RADIL: variants seen among roughly 807,000 people sequenced by gnomAD.
RADIL encodes Rap associating with DIL domain.
In RADIL, 99 loss-of-function variants were observed where a neutral mutation model predicts 97.6. That is an observed-to-expected ratio of 1.01 (90% CI 0.86 to 1.20). RADIL has a LOEUF of 1.20. Among genes scored for constraint, RADIL ranks in the 50% most tolerant of loss-of-function variants. RADIL has a pLI of 0.00. For synonymous variants in RADIL, 803 were observed against 691.8 expected (o/e 1.16, Z -2.52); for missense variants, 1,765 against 1,498.9 (o/e 1.18, Z -2.93).
intron 9 of RADIL, chr7:4,808,868 C>T (rs1430977346): frequency 8.6e-5 from 81 of 937,994 alleles, no homozygotes; most frequent in Middle Eastern, 5.7e-4. Flanking sequence ...TGCCCCTCCG[C>T]GTCTCCTTCC....
intron 2 of RADIL, among the ~76,000 whole-genome samples, chr7:4,851,236 C>T (rs916197719): frequency 2.0e-5 from 3 of 151,630 alleles, no homozygotes; most frequent in South Asian, 4.2e-4. Flanking sequence ...AAGAAAAGTT[C>T]GGATTTTAGG....
intron 2 of RADIL, among the ~76,000 whole-genome samples, chr7:4,871,653 G>A (rs1276032505): frequency 2.0e-5 from 3 of 152,100 alleles, no homozygotes; most frequent in South Asian, 2.1e-4. Flanking sequence ...ACTCCTGGAC[G>A]GCCACACCAT....
At position 4,835,921 on chromosome 7, in the gene RADIL, TGGCATG is replaced by T. The variant is rs533010140; in HGVS notation, c.783+431_783+436del. ...AGAAACGGCTCTGGGCAGATAGGGG[TGGCATG>T]GGCCTTTGCTCGGTGCCCCTTCAGA... On this transcript the variant is annotated intron_variant, in intron 3 of 14. Coordinates refer to ENST00000399583, the MANE Select transcript of RADIL (RefSeq NM_018059.5). This position sits in a 1 kb window ranked among gnomAD's most constrained non-coding sequence, Gnocchi z 5.8. Among the ~76,000 whole-genome samples, 875 of 152,294 alleles carry T rather than the reference TGGCATG, an allele frequency of 5.7e-3. 3 individuals carry two copies. Among genetic ancestry groups the T allele is most frequent in the Middle Eastern group, 0.014 (4 of 294 alleles).
chr7:4,861,837 C>CGTCCCCCACCACCGCGACCTTCAA, intron 2 of RADIL: 1 of 1,400,584 alleles, frequency 7.1e-7, no homozygotes, highest in Non-Finnish European at 9.3e-7. Context: ...CGCCAGGGCA[C>CGTCCCCCACCACCGCGACCTTCAA]GTCCCCCACC....
Position 4,849,125 on chromosome 7 carries a change from G to A in RADIL, c.536-12520C>T, listed in dbSNP as rs1783646955. The stretch of plus-strand genomic sequence containing the variant: ...TGCACTCCAGCCTGGGCAACAAGAG[G>A]GAAATTCTGTCTCAAAAAAAAAAAA... On this transcript the variant is annotated intron_variant, in intron 2 of 14. Transcript: ENST00000399583. The surrounding 1 kb of genome is among the most constrained non-coding windows in gnomAD (Gnocchi z 5.4). 7.2e-6 allele frequency among the ~76,000 whole-genome samples: 1 copy of A among 139,186 alleles called. No individual in the cohort carries two copies. Among genetic ancestry groups the A allele is most frequent in the African/African-American group, 2.8e-5 (1 of 35,422 alleles). 91.3% of individuals were successfully genotyped at this position (139,186 alleles called of 152,430 possible).
intron 2 of RADIL, among the ~76,000 whole-genome samples, chr7:4,874,401 C>T (rs1198070179): frequency 6.6e-6 from 1 of 152,240 alleles, no homozygotes; most frequent in African/African-American, 2.4e-5. Context: ...CCCCCGGCTC[C>T]AGGCAGAGGC....
rs567048908 is a variant in RADIL, at chr7:4,879,981, G to A, written c.-64-1778C>T. Among the ~76,000 whole-genome samples, 23 of 152,272 alleles carry A rather than the reference G, an allele frequency of 1.5e-4. No individual in the cohort carries two copies. In the South Asian group the frequency reaches 2.9e-3, roughly 19 times the overall value. Reference sequence around the variant, plus strand: ...CCTTGAACTCTTCAGAAATACTTCCGACAGCTTCGCACACCAGAGACTGGG... The same window carrying A: ...CCTTGAACTCTTCAGAAATACTTCCAACAGCTTCGCACACCAGAGACTGGG... On this transcript the variant is annotated intron_variant, in intron 1 of 14. Transcript: ENST00000399583. The surrounding 1 kb of genome is among the most constrained non-coding windows in gnomAD (Gnocchi z 4.1).
chr7:4,820,813 G>C (rs775843443), intron 6 of RADIL, among the ~76,000 whole-genome samples: 1 of 152,150 alleles, frequency 6.6e-6, no homozygotes, highest in African/African-American at 2.4e-5. Flanking sequence ...CTGAGGACTG[G>C]GCCCCGACGC....
rs778474046 is a variant in RADIL at position 4,834,795 on chromosome 7, C to T, written c.1228G>A (p.Glu410Lys). ...AGCAGCGTGTCCTCCAGGTGGGGCT[C>T]AAACTCCAGGAGCAGCTGCTGGCGC... ...PRRQQLLLEF[E>K]PHLEDTLLQR... The change falls in exon 4 of 15, where the codon GAG (glutamate) becomes AAG (lysine). Residue 410 changes from glutamate (E) to lysine (K), a missense_variant. By Grantham distance (56) the Glu-to-Lys change is moderately conservative. Transcript: ENST00000399583. This position sits in a 1 kb window ranked among gnomAD's most constrained non-coding sequence, Gnocchi z 6.0. The T allele has an allele frequency of 7.4e-7, 1 of 1,347,682 alleles. No individual in the cohort carries two copies. The highest frequency in any genetic ancestry group is 3.4e-5 in the Admixed American group (1 of 29,340). The allele number at this position is 1,347,682 out of a possible 1,614,324, so 83.5% of individuals were successfully genotyped here. A position where few individuals can be genotyped will look rare whatever the true frequency, so the allele number is the denominator to read the frequency against.
At position 4,803,634 on chromosome 7, in the gene RADIL, CGG is replaced by C; in HGVS notation, c.2409_2410del (p.Arg804ProfsTer37). ...GCTCCGCAGACCCCACAGAAAGTGG[CGG>C]ACGTAGAGCAGGTGCTGGTAGATGC... On this transcript the variant is annotated frameshift_variant, in exon 11 of 15. Transcript: ENST00000399583. LOFTEE classifies it high-confidence loss of function. The C allele has an allele frequency of 6.5e-7, 1 of 1,550,034 alleles. No homozygotes were observed. Among genetic ancestry groups the C allele is most frequent in the Non-Finnish European group, 8.7e-7 (1 of 1,147,062 alleles).
intron 2 of RADIL, among the ~76,000 whole-genome samples, chr7:4,856,726 T>C (rs753211413): frequency 1.5e-4 from 23 of 152,210 alleles, no homozygotes; most frequent in Admixed American, 3.3e-4. Context: ...TAGCAAGAGG[T>C]TAATTTTTGT....
chr7:4,803,837 C>A (rs1782199520), intron 10 of RADIL, 83 bp from the exon 11 acceptor site: 1 of 1,286,250 alleles, frequency 7.8e-7, no homozygotes, highest in Non-Finnish European at 1.1e-6. Flanking sequence ...GGTGTGGGAA[C>A]CCAGGGGCCA....
At chr7:4,831,698 C>T (rs527353825) in intron 5 of RADIL, among the ~76,000 whole-genome samples, 52 of 147,664 alleles carry the variant, frequency 3.5e-4, no homozygotes, top group Admixed American at 1.6e-3. Flanking sequence ...TGGCCAATAT[C>T]GTGAAACCCC....
rs376252570 is a variant in RADIL, at chr7:4,843,003, A to ATTTTT, written c.536-6403_536-6399dup. 4.7e-5 allele frequency among the ~76,000 whole-genome samples: 6 copies of ATTTTT among 127,322 alleles called. No individual in the cohort carries two copies. The East Asian group carries it at 9.5e-4, about 20-fold the overall frequency. 83.5% of individuals were successfully genotyped at this position (127,322 alleles called of 152,430 possible). A position where few individuals can be genotyped will look rare whatever the true frequency, so the allele number is the denominator to read the frequency against. ...GCACCCCCATGCCCGGCAAGAGACA[A>ATTTTT]TTTTTTTTTTTTTTTTTTTTTGAGA... On this transcript the variant is annotated intron_variant, in intron 2 of 14. Coordinates refer to ENST00000399583, the MANE Select transcript of RADIL (RefSeq NM_018059.5).
In RADIL at chr7:4,834,714, C is replaced by T. The variant is rs1211162769; in HGVS notation, c.1309G>A (p.Ala437Thr). ...TGGATGCAGAGGCACAGGAGGAAGG[C>T]GGGGGTCAGCTTGTGGTCGTCGCCC... is the stretch of plus-strand genomic sequence containing the variant. ...PGGDDHKLTPAFLLCLCIQHS... is the reference protein window; with the variant it reads ...PGGDDHKLTPTFLLCLCIQHS... The change falls in exon 4 of 15, where the codon GCC becomes ACC. Residue 437 changes from alanine (A) to threonine (T), a missense_variant. Transcript: ENST00000399583. The surrounding 1 kb of genome is among the most constrained non-coding windows in gnomAD (Gnocchi z 6.0). 1 of 1,410,278 alleles carries T rather than the reference C, an allele frequency of 7.1e-7. No homozygotes were observed. The highest frequency in any genetic ancestry group is 1.8e-5 in the South Asian group (1 of 55,022). The allele number at this position is 1,410,278 out of a possible 1,614,324, so 87.4% of individuals were successfully genotyped here.
Position 4,816,301 on chromosome 7 carries a change from C to A in RADIL, c.1893G>T (p.Glu631Asp). Residue 631 changes from glutamate (E) to aspartate (D), a missense_variant, in exon 8 of 15, where the codon GAG (glutamate) becomes GAT (aspartate). Glu to Asp is a conservative substitution (Grantham distance 45, BLOSUM62 2). Coordinates refer to ENST00000399583, the MANE Select transcript of RADIL (RefSeq NM_018059.5). Reference protein sequence around the residue: ...DLLRQLQVHPEVASQMLAYLF... With the variant: ...DLLRQLQVHPDVASQMLAYLF... The stretch of plus-strand genomic sequence containing the variant: ...GGTAGGCGAGCATCTGCGAGGCCAC[C>A]TCGGGGTGCACCTGCAGCTGCCGCA... 1.9e-6 allele frequency: 3 copies of A among 1,612,640 alleles called. No homozygotes were observed. Among genetic ancestry groups the A allele is most frequent in the Non-Finnish European group, 2.5e-6 (3 of 1,179,860 alleles).
chr7:4,865,178 C>T (rs10275805), intron 2 of RADIL, among the ~76,000 whole-genome samples: 1 of 152,044 alleles, frequency 6.6e-6, no homozygotes, highest in East Asian at 1.9e-4. Context: ...TACATTTCAC[C>T]TCTTGAGAGT....
At position 4,883,104 on chromosome 7, in the gene RADIL, G is replaced by A. The variant is rs1448501142; in HGVS notation, c.-65+492C>T. ...CACGAGTGGGGATCGGGCTGCAACCGGGACGGGGTATGTGCAGGGGACGTC... is the reference window on the plus strand; with the variant it reads ...CACGAGTGGGGATCGGGCTGCAACCAGGACGGGGTATGTGCAGGGGACGTC... On this transcript the variant is annotated intron_variant, in intron 1 of 14. Coordinates refer to ENST00000399583, the MANE Select transcript of RADIL (RefSeq NM_018059.5). This position sits in a 1 kb window ranked among gnomAD's most constrained non-coding sequence, Gnocchi z 7.1. Among the ~76,000 whole-genome samples, 1 of 150,594 alleles carries A rather than the reference G, an allele frequency of 6.6e-6. No individual in the cohort carries two copies. Among genetic ancestry groups the A allele is most frequent in the African/African-American group, 2.5e-5 (1 of 39,924 alleles).
At position 4,849,664 on chromosome 7, in the gene RADIL, C is replaced by A. The variant is rs868173693; in HGVS notation, c.536-13059G>T. 1.5e-4 allele frequency among the ~76,000 whole-genome samples: 23 copies of A among 152,258 alleles called. No homozygotes were observed. The South Asian group carries it at 1.7e-3, about 11-fold the overall frequency. Reference sequence around the variant, plus strand: ...AATGTACTAGAGACAGCAGGGGGTGCCACATCACCAATCCTCTTGAGGACA... The same window carrying A: ...AATGTACTAGAGACAGCAGGGGGTGACACATCACCAATCCTCTTGAGGACA... On this transcript the variant is annotated intron_variant, in intron 2 of 14. Coordinates refer to ENST00000399583, the MANE Select transcript of RADIL (RefSeq NM_018059.5). This position sits in a 1 kb window ranked among gnomAD's most constrained non-coding sequence, Gnocchi z 5.4.
Sources: allele counts gnomAD v4.1 joint callset (sites outside exome capture counted in the v4.1 genomes callset), GRCh38; gene constraint gnomAD v4.1.1; non-coding constraint Gnocchi (gnomAD v3.1); transcripts MANE v1.5; gene names NCBI Gene and HGNC (gene_info 2026-07-23, HGNC 2026-07-21).